PLXNA4: variants seen among roughly 807,000 people sequenced by gnomAD.
PLXNA4 encodes the protein plexin A4, also known as plexin-A4.
Under a neutral mutation model 191.8 loss-of-function variants are expected in PLXNA4, and 44 were observed. That is an observed-to-expected ratio of 0.23 (90% CI 0.18 to 0.29). The LOEUF (loss-of-function observed/expected upper bound fraction) is 0.29. Among genes scored for constraint, PLXNA4 ranks in the 10% least tolerant of loss-of-function variants. The pLI is 1.00. For synonymous variants in PLXNA4, 1,082 were observed against 1,009.5 expected (o/e 1.07, Z -1.36); for missense variants, 1,800 against 2,488.8 (o/e 0.72, Z 5.89).
intron 3 of PLXNA4, among the ~76,000 whole-genome samples, chr7:132,396,485 GTTTT>G (rs963038356): frequency 2.6e-5 from 4 of 151,876 alleles, no homozygotes; most frequent in African/African-American, 9.7e-5. Context: ...TGGGTTTTGG[GTTTT>G]TTATTTTTTT....
intron 3 of PLXNA4, among the ~76,000 whole-genome samples, chr7:132,324,472 T>A (rs1802286624): frequency 6.6e-6 from 1 of 152,216 alleles, no homozygotes; most frequent in Non-Finnish European, 1.5e-5. Flanking sequence ...TTCATTAATA[T>A]GTTTAATTTA....
intron 2 of PLXNA4, among the ~76,000 whole-genome samples, chr7:132,610,827 G>A (rs1344724283): frequency 1.3e-5 from 2 of 152,200 alleles, no homozygotes; most frequent in Non-Finnish European, 2.9e-5. Context: ...ATAGCACAGC[G>A]AAGGATTCCA....
intron 2 of PLXNA4, among the ~76,000 whole-genome samples, chr7:132,594,575 G>A (rs989159957): frequency 9.2e-5 from 14 of 152,172 alleles, no homozygotes; most frequent in Non-Finnish European, 1.9e-4. Context: ...ACTTCCATTT[G>A]AAGTCCCGCA....
intron 9 of PLXNA4, 31 bp from the exon 10 acceptor site, chr7:132,211,174 C>T: frequency 6.5e-7 from 1 of 1,545,022 alleles, no homozygotes; most frequent in Non-Finnish European, 8.8e-7. Context: ...TCAGGCTGGG[C>T]AGCCAGGAAA....
chr7:132,241,501 G>A (rs746424085), intron 4 of PLXNA4, among the ~76,000 whole-genome samples: 1 of 152,124 alleles, frequency 6.6e-6, no homozygotes, highest in African/African-American at 2.4e-5. Context: ...TCTACAAATG[G>A]CCAATTCATC....
At chr7:132,131,444 C>T (rs562435371) in intron 31 of PLXNA4, among the ~76,000 whole-genome samples, 12 of 152,156 alleles carry the variant, frequency 7.9e-5, no homozygotes, top group South Asian at 6.3e-4. Flanking sequence ...GCCTGCCCCC[C>T]GAGAGGCACT....
chr7:132,521,842 G>T (rs115658214), intron 1 of PLXNA4, among the ~76,000 whole-genome samples: 1 of 152,192 alleles, frequency 6.6e-6, no homozygotes. Context: ...TGCCAGGGCT[G>T]CTGACATAAC....
chr7:132,163,606 C>T (rs534966517), intron 24 of PLXNA4, among the ~76,000 whole-genome samples: 5 of 152,270 alleles, frequency 3.3e-5, no homozygotes, highest in Non-Finnish European at 2.9e-5. Flanking sequence ...GGGAGCCTGA[C>T]CTTGATGGAG....
At chr7:132,319,844 T>C (rs1402100728) in intron 3 of PLXNA4, among the ~76,000 whole-genome samples, 2 of 152,230 alleles carry the variant, frequency 1.3e-5, no homozygotes, top group African/African-American at 4.8e-5. Context: ...AGTACCATGC[T>C]TCCCCACCTC....
intron 3 of PLXNA4, among the ~76,000 whole-genome samples, chr7:132,461,958 G>A (rs1295570245): frequency 6.6e-6 from 1 of 152,230 alleles, no homozygotes; most frequent in African/African-American, 2.4e-5. Flanking sequence ...AATTTACAAT[G>A]TTGCAGATCT....
At chr7:132,540,649 G>A (rs1000268937) in intron 1 of PLXNA4, among the ~76,000 whole-genome samples, 7 of 140,786 alleles carry the variant, frequency 5.0e-5, no homozygotes, top group South Asian at 2.3e-4. Context: ...CTGCAGTGGC[G>A]CAATCTCGGC....
At chr7:132,289,255 C>T (rs933606033) in intron 4 of PLXNA4, among the ~76,000 whole-genome samples, 5 of 152,212 alleles carry the variant, frequency 3.3e-5, no homozygotes, top group Admixed American at 2.6e-4. Flanking sequence ...CTCTTGTATG[C>T]CCATCTGACC....
At chr7:132,495,365 C>T (rs1797972011) in intron 2 of PLXNA4, among the ~76,000 whole-genome samples, 1 of 152,194 alleles carries the variant, frequency 6.6e-6, no homozygotes, top group Non-Finnish European at 1.5e-5. Context: ...AGCTCTGGGA[C>T]ACAGTCTCTT....
chr7:132,568,972 T>C (rs149687796), intron 1 of PLXNA4, among the ~76,000 whole-genome samples: 142 of 152,294 alleles, frequency 9.3e-4, no homozygotes, highest in African/African-American at 3.3e-3. Context: ...AACCCTGACA[T>C]ACCTTCTGCA....
chr7:132,211,191 G>A (rs1052232063), intron 9 of PLXNA4, 48 bp from the exon 10 acceptor site: 6 of 1,527,788 alleles, frequency 3.9e-6, no homozygotes, highest in Non-Finnish European at 5.3e-6. Context: ...GAAACCAAAT[G>A]AGCAAGGACC....
chr7:132,142,329 C>T (rs974189077), intron 29 of PLXNA4, among the ~76,000 whole-genome samples: 1 of 152,194 alleles, frequency 6.6e-6, no homozygotes, highest in African/African-American at 2.4e-5. Context: ...TGCCTCCTGC[C>T]ATTTCCCCTG....
chr7:132,316,871 G>A (rs1254509957), intron 3 of PLXNA4, among the ~76,000 whole-genome samples: 2 of 152,182 alleles, frequency 1.3e-5, no homozygotes, highest in African/African-American at 4.8e-5. Context: ...AGTAAAACAG[G>A]GTGCTATAAG....
At chr7:132,605,924 G>C (rs1802915877) in intron 2 of PLXNA4, among the ~76,000 whole-genome samples, 1 of 152,174 alleles carries the variant, frequency 6.6e-6, no homozygotes, top group Non-Finnish European at 1.5e-5. Flanking sequence ...AGCACTTTGG[G>C]AGGCTGAGGC....
upstream of PLXNA4, among the ~76,000 whole-genome samples, chr7:132,579,810 T>C (rs1376799758): frequency 2.0e-5 from 3 of 151,998 alleles, no homozygotes; most frequent in Non-Finnish European, 4.4e-5. Context: ...GTAAAAGGCA[T>C]ACCAAAGGGG....
Sources: gnomAD v4.1 joint callset for allele counts (sites outside exome capture counted in the v4.1 genomes callset) on GRCh38, gnomAD v4.1.1 for gene constraint, MANE v1.5 for transcripts, NCBI Gene and HGNC (gene_info 2026-07-23, HGNC 2026-07-21) for gene names.